The following LDLRAD3 variants were observed in gnomAD, a reference collection of about 807,000 sequenced individuals.
LDLRAD3 encodes low-density lipoprotein receptor class A domain-containing protein 3.
LDLRAD3 carries 20 observed loss-of-function variants against 29.4 expected under a neutral mutation model. That is an observed-to-expected ratio of 0.68 (90% CI 0.48 to 0.99). The LOEUF is 0.99. Among genes scored for constraint, LDLRAD3 ranks in the 50% least tolerant of loss-of-function variants. The pLI, the probability that LDLRAD3 is intolerant of heterozygous loss-of-function variation, is 0.00. For synonymous variants in LDLRAD3, 157 were observed against 192.7 expected (o/e 0.81, Z 1.53); for missense variants, 420 against 454.3 (o/e 0.92, Z 0.69).
At chr11:36,122,646 C>T (rs941440122) in intron 4 of LDLRAD3, among the ~76,000 whole-genome samples, 5 of 152,106 alleles carry the variant, frequency 3.3e-5, no homozygotes, top group African/African-American at 7.2e-5. Flanking sequence ...TCCCCAGCCC[C>T]TAGGAGCCTG....
intron 4 of LDLRAD3, among the ~76,000 whole-genome samples, chr11:36,142,717 G>A (rs1481254374): frequency 6.6e-6 from 1 of 152,174 alleles, no homozygotes; most frequent in African/African-American, 2.4e-5. Context: ...ACACCAAAGG[G>A]AAGCCCCCAA....
chr11:36,036,021 C>A, intron 1 of LDLRAD3, 82 bp from the exon 2 acceptor site: 1 of 1,450,340 alleles, frequency 6.9e-7, no homozygotes, highest in Non-Finnish European at 9.4e-7. Context: ...CTCACCTATA[C>A]CAAACCACAC....
chr11:36,097,577 A>G (rs1853379547), intron 3 of LDLRAD3, among the ~76,000 whole-genome samples: 1 of 152,224 alleles, frequency 6.6e-6, no homozygotes, highest in Non-Finnish European at 1.5e-5. Flanking sequence ...AGAGTGGCAA[A>G]ATAGATAACA....
intron 2 of LDLRAD3, among the ~76,000 whole-genome samples, chr11:36,059,539 A>G (rs1852667935): frequency 6.6e-6 from 1 of 151,864 alleles, no homozygotes; most frequent in Admixed American, 6.6e-5. Context: ...GCCCCACTCC[A>G]CAACCCTTCT....
intron 4 of LDLRAD3, among the ~76,000 whole-genome samples, chr11:36,138,750 T>A (rs1854037794): frequency 6.6e-6 from 1 of 152,226 alleles, no homozygotes; most frequent in Non-Finnish European, 1.5e-5. Flanking sequence ...TTGGGGGGTT[T>A]GAGGGGTAGG....
intron 1 of LDLRAD3, among the ~76,000 whole-genome samples, chr11:35,950,281 G>A (rs1481839076): frequency 6.6e-6 from 1 of 152,156 alleles, no homozygotes; most frequent in Non-Finnish European, 1.5e-5. Context: ...GCAAACATGG[G>A]TACTGCGTCT....
chr11:36,049,824 A>G (rs1284659099), intron 2 of LDLRAD3, among the ~76,000 whole-genome samples: 1 of 152,140 alleles, frequency 6.6e-6, no homozygotes, highest in Non-Finnish European at 1.5e-5. Context: ...ACTTATTTCT[A>G]TTGTCCTTGC....
chr11:35,999,908 G>A (rs1466209896), intron 1 of LDLRAD3, among the ~76,000 whole-genome samples: 2 of 152,164 alleles, frequency 1.3e-5, no homozygotes, highest in African/African-American at 2.4e-5. Context: ...GTCTCTGCCT[G>A]TGCCCATGGA....
chr11:35,997,803 A>T (rs1328658055), intron 1 of LDLRAD3: 4 of 156,800 alleles, frequency 2.6e-5, no homozygotes, highest in Non-Finnish European at 5.6e-5. Context: ...CAGATCAGGA[A>T]AGTGAGGCTT....
At chr11:36,022,150 G>A (rs1262110579) in intron 1 of LDLRAD3, among the ~76,000 whole-genome samples, 5 of 152,032 alleles carry the variant, frequency 3.3e-5, no homozygotes, top group East Asian at 1.9e-4. Context: ...CTTTCATCTC[G>A]CCTGGTATGA....
intron 2 of LDLRAD3, among the ~76,000 whole-genome samples, chr11:36,042,259 A>G (rs1852392617): frequency 6.6e-6 from 1 of 152,128 alleles, no homozygotes; most frequent in Non-Finnish European, 1.5e-5. Context: ...AGATGTGGGG[A>G]AAAAGTTGGA....
chr11:36,219,479 A>C (rs1855399467), intron 4 of LDLRAD3, among the ~76,000 whole-genome samples: 1 of 150,636 alleles, frequency 6.6e-6, no homozygotes, highest in Admixed American at 6.6e-5. Context: ...TACAAAATAG[A>C]TAGTCTAAGA....
chr11:36,180,639 CAT>C (rs756090728), intron 4 of LDLRAD3, among the ~76,000 whole-genome samples: 4 of 152,000 alleles, frequency 2.6e-5, no homozygotes, highest in African/African-American at 7.3e-5. Context: ...GGAGTACCCT[CAT>C]GTGGCTCATA....
At chr11:36,195,234 G>A (rs1855014847) in intron 4 of LDLRAD3, among the ~76,000 whole-genome samples, 1 of 152,190 alleles carries the variant, frequency 6.6e-6, no homozygotes, top group Admixed American at 6.5e-5. Context: ...TATTTAGGAT[G>A]AATAGTGGTA....
intron 4 of LDLRAD3, among the ~76,000 whole-genome samples, chr11:36,188,049 A>T (rs1322216109): frequency 1.3e-5 from 2 of 152,184 alleles, no homozygotes; most frequent in Non-Finnish European, 2.9e-5. Context: ...AAGGATAACG[A>T]TGAGTAGGAA....
intron 4 of LDLRAD3, among the ~76,000 whole-genome samples, chr11:36,206,134 C>T (rs1238470332): frequency 2.0e-5 from 3 of 152,116 alleles, no homozygotes; most frequent in African/African-American, 4.8e-5. Flanking sequence ...AAAATTACAT[C>T]CTTGTTAGAG....
chr11:36,189,456 C>T (rs957028051), intron 4 of LDLRAD3, among the ~76,000 whole-genome samples: 1 of 151,928 alleles, frequency 6.6e-6, no homozygotes, highest in African/African-American at 2.4e-5. Flanking sequence ...TGCACTCCAG[C>T]TTGGGTGACA....
At chr11:36,003,561 C>T (rs1851850077) in intron 1 of LDLRAD3, among the ~76,000 whole-genome samples, 1 of 152,144 alleles carries the variant, frequency 6.6e-6, no homozygotes. Context: ...AGTCACTCTC[C>T]AGGGACGGAG....
intron 3 of LDLRAD3, among the ~76,000 whole-genome samples, chr11:36,084,548 AAAC>A (rs1254119208): frequency 6.6e-6 from 1 of 152,228 alleles, no homozygotes; most frequent in Admixed American, 6.5e-5. Context: ...AGTATGAGTC[AAAC>A]TATTTATCCC....
Sources: allele counts gnomAD v4.1 joint callset (sites outside exome capture counted in the v4.1 genomes callset), GRCh38; gene constraint gnomAD v4.1.1; transcripts MANE v1.5; gene names NCBI Gene and HGNC (gene_info 2026-07-23, HGNC 2026-07-21).